Variants in PCDHGA1 observed in about 807,000 individuals in gnomAD.
PCDHGA1 encodes protocadherin gamma subfamily A, 1.
Under a neutral mutation model 58.0 loss-of-function variants are expected in PCDHGA1, and 32 were observed. The observed-to-expected ratio is 0.55, with a 90% confidence interval of 0.42 to 0.74. The LOEUF is 0.74. PCDHGA1 is among the 30% of genes least tolerant of loss of function. The pLI is 0.00. For missense variants in PCDHGA1, 1,205 were observed against 1,182.3 expected (o/e 1.02, Z -0.28); for synonymous variants, 498 against 501.1 (o/e 0.99, Z 0.08).
At chr5:141,339,938 G>A (rs1362214250) in intron 1 of PCDHGA1, 2 of 1,614,060 alleles carry the variant, frequency 1.2e-6, no homozygotes, top group Admixed American at 3.3e-5. Flanking sequence ...TGAAGCTCAG[G>A]ATGGTCCGGG....
chr5:141,486,498 T>C lies in PCDHGA1; in HGVS notation c.2422-8309T>C, dbSNP rs755907391. On this transcript the variant is annotated intron_variant, in intron 1 of 3. Coordinates refer to ENST00000517417, the MANE Select transcript of PCDHGA1 (RefSeq NM_018912.3). The surrounding 1 kb of genome is among the most constrained non-coding windows in gnomAD (Gnocchi z 5.0). The stretch of plus-strand genomic sequence containing the variant: ...CCTCTCAGTACCCACAGAACTATTT[T>C]CCTCAATATTTCAGATGTGAATGAT... 6.2e-7 allele frequency: 1 copy of C among 1,614,030 alleles called. No individual in the cohort carries two copies. The highest frequency in any genetic ancestry group is 8.5e-7 in the Non-Finnish European group (1 of 1,179,874).
chr5:141,447,966 A>C (rs2098556806), intron 1 of PCDHGA1, among the ~76,000 whole-genome samples: 1 of 151,922 alleles, frequency 6.6e-6, no homozygotes, highest in Non-Finnish European at 1.5e-5. Context: ...GACACCTATA[A>C]TCCCAGCTAC....
At chr5:141,360,616 G>A in intron 1 of PCDHGA1, 1 of 1,614,038 alleles carries the variant, frequency 6.2e-7, no homozygotes, top group Non-Finnish European at 8.5e-7. Context: ...CCTGGATTCA[G>A]ATGTTGGTCC....
intron 1 of PCDHGA1, chr5:141,399,064 A>G: frequency 1.2e-6 from 2 of 1,613,762 alleles, no homozygotes; most frequent in Non-Finnish European, 1.7e-6. Flanking sequence ...GGAATATTCA[A>G]TGGTTGTAGA....
At chr5:141,494,972 C>T (rs1005793988) in intron 2 of PCDHGA1, 107 bp downstream of exon 2, 69 of 1,581,734 alleles carry the variant, frequency 4.4e-5, no homozygotes, top group Non-Finnish European at 5.9e-5. Context: ...TGGCTTCTCC[C>T]TCAGTTTGAG....
At chr5:141,370,410 G>A in intron 1 of PCDHGA1, 1 of 1,565,394 alleles carries the variant, frequency 6.4e-7, no homozygotes. Flanking sequence ...AAATAGCTCC[G>A]GATGGAGGGG....
chr5:141,425,528 C>T (rs2096881702), intron 1 of PCDHGA1, among the ~76,000 whole-genome samples: 1 of 152,200 alleles, frequency 6.6e-6, no homozygotes, highest in African/African-American at 2.4e-5. Context: ...AAACATGAAA[C>T]AATAATCCTT....
chr5:141,417,641 C>G (rs1266850894), intron 1 of PCDHGA1: 12 of 779,426 alleles, frequency 1.5e-5, no homozygotes, highest in Non-Finnish European at 2.1e-5. Context: ...CCGGGGATCC[C>G]TCAGCCTCTA....
At position 141,476,717 on chromosome 5, in the gene PCDHGA1, G is replaced by A. The variant is rs2099397053; in HGVS notation, c.2422-18090G>A. 6.2e-7 allele frequency: 1 copy of A among 1,614,048 alleles called. No homozygotes were observed. The stretch of plus-strand genomic sequence containing the variant: ...GTACGCGGAGCTGGTGTTGGAGCGC[G>A]CCCTGGACCGAGAACGGGAGCCTAG... On this transcript the variant is annotated intron_variant, in intron 1 of 3. Transcript: ENST00000517417. This position sits in a 1 kb window ranked among gnomAD's most constrained non-coding sequence, Gnocchi z 7.6.
chr5:141,338,306 G>A (rs192115309), intron 1 of PCDHGA1, among the ~76,000 whole-genome samples: 62 of 152,322 alleles, frequency 4.1e-4, no homozygotes, highest in Admixed American at 9.1e-4. Flanking sequence ...TTAAGTGTCT[G>A]ATGATTCAAT....
At chr5:141,406,446 C>T (rs1292880739) in intron 1 of PCDHGA1, among the ~76,000 whole-genome samples, 1 of 152,200 alleles carries the variant, frequency 6.6e-6, no homozygotes, top group Non-Finnish European at 1.5e-5. Flanking sequence ...TCTTCCATTT[C>T]TATGACAGGA....
At position 141,491,039 on chromosome 5, in the gene PCDHGA1, G is replaced by T; in HGVS notation, c.2422-3768G>T. 1 of 1,614,180 alleles carries T rather than the reference G, an allele frequency of 6.2e-7. No individual in the cohort carries two copies. The highest frequency in any genetic ancestry group is 1.1e-5 in the South Asian group (1 of 91,090). ...GTGACAGCCGTGGATGCTGATGCAGGCCACAATGCGTGGCTCTCCTACTCA... is the reference window on the plus strand; with the variant it reads ...GTGACAGCCGTGGATGCTGATGCAGTCCACAATGCGTGGCTCTCCTACTCA... On this transcript the variant is annotated intron_variant, in intron 1 of 3. Transcript: ENST00000517417. The surrounding 1 kb of genome is among the most constrained non-coding windows in gnomAD (Gnocchi z 6.9).
intron 1 of PCDHGA1, chr5:141,383,948 C>G (rs199642192): frequency 2.1e-4 from 340 of 1,613,480 alleles, no homozygotes; most frequent in Non-Finnish European, 2.5e-4. Context: ...GTGACTATGA[C>G]GTCTTTAAGT....
At chr5:141,391,264 G>A (rs1427432631) in intron 1 of PCDHGA1, 1 of 151,768 alleles carries the variant, frequency 6.6e-6, no homozygotes, top group Non-Finnish European at 1.5e-5. Context: ...TCAGTTAATG[G>A]CCACTTTACA....
At chr5:141,459,236 G>A (rs1248794102) in intron 1 of PCDHGA1, among the ~76,000 whole-genome samples, 2 of 152,176 alleles carry the variant, frequency 1.3e-5, no homozygotes, top group African/African-American at 2.4e-5. Context: ...CAACTGGTCT[G>A]CTTCCTGTCA....
chr5:141,398,866 T>C, intron 1 of PCDHGA1: 1 of 1,613,962 alleles, frequency 6.2e-7, no homozygotes, highest in Non-Finnish European at 8.5e-7. Flanking sequence ...CCGAGACGTG[T>C]ACAGAGTCAG....
intron 1 of PCDHGA1, chr5:141,423,780 T>C: frequency 8.0e-7 from 1 of 1,243,766 alleles, no homozygotes; most frequent in Non-Finnish European, 1.0e-6. Flanking sequence ...ATATATTTAG[T>C]TCATATATAT....
intron 1 of PCDHGA1, chr5:141,340,098 C>A: frequency 6.2e-7 from 1 of 1,614,044 alleles, no homozygotes; most frequent in Non-Finnish European, 8.5e-7. Flanking sequence ...GATAGAGACT[C>A]TGGGCAGAAC....
chr5:141,447,919 C>G (rs940570932), intron 1 of PCDHGA1, among the ~76,000 whole-genome samples: 2 of 152,012 alleles, frequency 1.3e-5, no homozygotes, highest in East Asian at 1.9e-4. Context: ...AACTCTGTCT[C>G]CACTAAAAAT....
Sources: gnomAD v4.1 joint callset for allele counts (sites outside exome capture counted in the v4.1 genomes callset) on GRCh38, gnomAD v4.1.1 for gene constraint, Gnocchi (gnomAD v3.1) non-coding constraint, MANE v1.5 for transcripts, NCBI Gene and HGNC (gene_info 2026-07-23, HGNC 2026-07-21) for gene names.